Variants in MYH15 observed in about 807,000 individuals in gnomAD.
The protein encoded by MYH15 is myosin-15.
A neutral mutation model predicts 240.5 loss-of-function variants in MYH15; 227 were observed. The observed-to-expected ratio is 0.94, with a 90% confidence interval of 0.85 to 1.05. MYH15 has a LOEUF of 1.05. Ranked by LOEUF, MYH15 falls within the 50% of genes least tolerant of loss-of-function variation. The pLI is 0.00. For synonymous variants in MYH15, 785 were observed against 796.7 expected (o/e 0.99, Z 0.25); for missense variants, 2,217 against 2,247.5 (o/e 0.99, Z 0.27).
chr3:108,437,495 A>G (rs1454614949), intron 25 of MYH15, 59 bp downstream of exon 25: 48 of 1,557,106 alleles, frequency 3.1e-5, no homozygotes, highest in Middle Eastern at 1.7e-4. Context: ...GAAATGAGAA[A>G]GCTGTTCCTT....
the MYH15 span, among the ~76,000 whole-genome samples, chr3:108,542,979 C>T: frequency 6.6e-6 from 1 of 151,168 alleles, no homozygotes; most frequent in Non-Finnish European, 1.5e-5. Context: ...CTCACGGGCT[C>T]AAGTGATTCT....
chr3:108,423,126 C>A (rs1484244896), intron 27 of MYH15, among the ~76,000 whole-genome samples: 1 of 152,136 alleles, frequency 6.6e-6, no homozygotes, highest in Non-Finnish European at 1.5e-5. Flanking sequence ...TGCTTGAGCG[C>A]TTGCCGCCCG....
At chr3:108,446,761 T>A (rs2082931887) in intron 21 of MYH15, among the ~76,000 whole-genome samples, 1 of 152,040 alleles carries the variant, frequency 6.6e-6, no homozygotes, top group Non-Finnish European at 1.5e-5. Flanking sequence ...AGCCAGTCCA[T>A]AAACATGGAG....
the MYH15 span, among the ~76,000 whole-genome samples, chr3:108,548,614 G>A: frequency 6.6e-6 from 1 of 151,988 alleles, no homozygotes; most frequent in Admixed American, 6.6e-5. Flanking sequence ...ATCTTGCAAA[G>A]GATTAAGTCA....
chr3:108,470,553 A>G lies in MYH15; in HGVS notation c.1383+145T>C, dbSNP rs1005670208. On this transcript the variant is annotated intron_variant, in intron 13 of 40. Coordinates refer to ENST00000693548, the MANE Select transcript of MYH15 (RefSeq NM_014981.3). ...ATAACAATAATTATTATTGATATTA[A>G]TTATAGCTCTTTTCCAAACAAGGTA... The G allele has an allele frequency of 1.9e-5, 13 of 681,178 alleles. No homozygotes were observed. In the African/African-American group the frequency reaches 2.0e-4, roughly 10 times the overall value. 42.2% of individuals were successfully genotyped at this position (681,178 alleles called of 1,614,324 possible). A position where few individuals can be genotyped will look rare whatever the true frequency, so the allele number is the denominator to read the frequency against.
chr3:108,402,986 T>C (rs1576211030), intron 33 of MYH15, among the ~76,000 whole-genome samples: 1 of 152,218 alleles, frequency 6.6e-6, no homozygotes, highest in East Asian at 1.9e-4. Flanking sequence ...TACCTCTACC[T>C]GTGTCAACTA....
At chr3:108,473,284 T>C (rs566683100) in intron 12 of MYH15, among the ~76,000 whole-genome samples, 1 of 152,320 alleles carries the variant, frequency 6.6e-6, no homozygotes, top group African/African-American at 2.4e-5. Flanking sequence ...GCTGGAATTA[T>C]GGGCGTGAGC....
chr3:108,497,955 T>C, intron 6 of MYH15, 97 bp downstream of exon 6: 1 of 969,584 alleles, frequency 1.0e-6, no homozygotes, highest in Non-Finnish European at 1.6e-6. Context: ...CCTGTGGTGC[T>C]TGTGGCCTCA....
chr3:108,538,015 CAA>C, the MYH15 span, among the ~76,000 whole-genome samples: 2 of 152,098 alleles, frequency 1.3e-5, no homozygotes, highest in African/African-American at 4.8e-5. Flanking sequence ...TGGGATGATC[CAA>C]ACTGTCATTT....
Position 108,523,996 on chromosome 3 carries a change from TA to T in MYH15, c.-58+5266del, listed in dbSNP as rs536023085. Among the ~76,000 whole-genome samples the T allele has an allele frequency of 4.4e-3, 675 of 152,050 alleles. 8 individuals carry two copies. The highest frequency in any genetic ancestry group is 0.015 in the African/African-American group (617 of 41,508). ...CATTTCCAGAGGTTTTTTGCCGTTA[TA>T]AAAAAATGTAATCAGCATCCTTGTA... On this transcript the variant is annotated intron_variant, in intron 1 of 41. Coordinates refer to the MYH15 transcript ENST00000273353.
chr3:108,421,357 A>G (rs2107555238), intron 27 of MYH15, 143 bp from the exon 28 acceptor site: 2 of 995,304 alleles, frequency 2.0e-6, no homozygotes, highest in Non-Finnish European at 2.9e-6. Flanking sequence ...GGGAGATCAC[A>G]TCTTCTGATT....
rs772910813 is a variant in MYH15 at position 108,398,723 on chromosome 3, G to A, written c.5047C>T (p.Leu1683=). 5 of 1,614,190 alleles carry A rather than the reference G, an allele frequency of 3.1e-6. No individual in the cohort carries two copies. Among genetic ancestry groups the A allele is most frequent in the South Asian group, 1.1e-5 (1 of 91,086 alleles). ...CGGCCACGCTCTGTCTGCTCTTGCA[G>A]GGACCTTAGATCCTCTAGTTCAGAC... is the stretch of plus-strand genomic sequence containing the variant. ...LQSELEDLRS[L]QEQTERGRRL... is the part of the protein sequence containing the mutation. Residue 1683 remains leucine, a synonymous_variant, in exon 35 of 41, where the codon CTG becomes TTG. Coordinates refer to ENST00000693548, the MANE Select transcript of MYH15 (RefSeq NM_014981.3).
intron 1 of MYH15, among the ~76,000 whole-genome samples, chr3:108,523,605 C>T (rs1346014143): frequency 2.0e-5 from 3 of 151,616 alleles, no homozygotes; most frequent in Non-Finnish European, 2.9e-5. Context: ...TGCCTTTGTC[C>T]TCTTGCTACA....
At chr3:108,444,234 A>C (rs2082908658) in intron 22 of MYH15, among the ~76,000 whole-genome samples, 1 of 152,004 alleles carries the variant, frequency 6.6e-6, no homozygotes, top group African/African-American at 2.4e-5. Flanking sequence ...AAGCAGGGAG[A>C]CCAAAATCAG....
Position 108,399,276 on chromosome 3 carries a change from A to C in MYH15, c.4737-9T>G, listed in dbSNP as rs771974749. ...TACACTGCTGCTTCCTCCTAATTTG[A>C]AATAACATTTGGAGTGGGGGAAATG... On this transcript the variant is annotated splice_polypyrimidine_tract_variant and intron_variant, in intron 33 of 40. Transcript: ENST00000693548. 6 of 1,602,316 alleles carry C rather than the reference A, an allele frequency of 3.7e-6. No homozygotes were observed. Among genetic ancestry groups the C allele is most frequent in the Non-Finnish European group, 4.3e-6 (5 of 1,171,184 alleles).
Position 108,398,641 on chromosome 3 carries a change from G to C in MYH15, c.5129C>G (p.Thr1710Ser). Residue 1710 changes from threonine to serine, a missense_variant, in exon 35 of 41, where the codon ACC becomes AGC. Transcript: ENST00000693548. ...EATERINLFY[T>S]QNTSLLSQKK... ...GGGAGAGTATATGGGCCCCACCTGGGTATAGAAAAGATTGATTCTTTCTGT... is the reference window on the plus strand; with the variant it reads ...GGGAGAGTATATGGGCCCCACCTGGCTATAGAAAAGATTGATTCTTTCTGT... 6.2e-7 allele frequency: 1 copy of C among 1,612,814 alleles called. No individual in the cohort carries two copies.
chr3:108,496,837 T>C (rs1159693408), intron 6 of MYH15, among the ~76,000 whole-genome samples: 1 of 150,018 alleles, frequency 6.7e-6, no homozygotes, highest in African/African-American at 2.4e-5. Context: ...CTAAAATGCT[T>C]GTAAAAACAA....
chr3:108,505,817 C>G lies in MYH15; in HGVS notation c.101G>C (p.Cys34Ser), dbSNP rs763034162. ...QATALDGKKKCWIPDGENAYI... is the reference protein window; with the variant it reads ...QATALDGKKKSWIPDGENAYI... Reference sequence around the variant, plus strand: ...AGCATTCTCACCATCAGGAATCCAGCATTTCTTCTTCCCTGTAGAGCAAAA... The same window carrying G: ...AGCATTCTCACCATCAGGAATCCAGGATTTCTTCTTCCCTGTAGAGCAAAA... The change falls in exon 2 of 41, where the codon TGC (cysteine) becomes TCC (serine). Residue 34 changes from cysteine to serine, a missense_variant. Transcript: ENST00000693548. 1 of 1,592,968 alleles carries G rather than the reference C, an allele frequency of 6.3e-7. No individual in the cohort carries two copies. Among genetic ancestry groups the G allele is most frequent in the Non-Finnish European group, 8.6e-7 (1 of 1,167,200 alleles).
intron 4 of MYH15, 68 bp downstream of exon 4, chr3:108,500,050 C>G: frequency 1.3e-6 from 2 of 1,518,246 alleles, no homozygotes; most frequent in South Asian, 2.6e-5. Flanking sequence ...GCCTAAGTGC[C>G]TCTTAGGGAC....
Sources: gnomAD v4.1 joint callset for allele counts (sites outside exome capture counted in the v4.1 genomes callset) on GRCh38, gnomAD v4.1.1 for gene constraint, MANE v1.5 for transcripts, NCBI Gene and HGNC (gene_info 2026-07-23, HGNC 2026-07-21) for gene names.